CCDC172: variants seen among roughly 807,000 people sequenced by gnomAD.
CCDC172 encodes the protein coiled-coil domain-containing protein 172.
CCDC172 carries 30 observed loss-of-function variants against 38.0 expected under a neutral mutation model. The ratio of observed to expected loss-of-function variants is 0.79; its 90% confidence interval spans 0.59 to 1.07. The LOEUF (loss-of-function observed/expected upper bound fraction) is 1.07. CCDC172 is among the 50% of genes least tolerant of loss of function. The pLI is 0.00. For missense variants in CCDC172, 297 were observed against 290.1 expected, an observed-to-expected ratio of 1.02 and a Z score of -0.17; for synonymous variants, 78 against 88.3, an observed-to-expected ratio of 0.88 and a Z score of 0.66.
intron 3 of CCDC172, among the ~76,000 whole-genome samples, chr10:116,334,648 A>C (rs2134910739): frequency 6.6e-6 from 1 of 152,170 alleles, no homozygotes; most frequent in Non-Finnish European, 1.5e-5. Context: ...TATTGTATTA[A>C]TAAATTACTG....
At chr10:116,326,965 G>A (rs1399026675) in intron 3 of CCDC172, among the ~76,000 whole-genome samples, 1 of 152,172 alleles carries the variant, frequency 6.6e-6, no homozygotes, top group East Asian at 1.9e-4. Context: ...AGAATGTTAT[G>A]ATGCAACTTT....
chr10:116,377,009 C>T (rs1845253656), intron 7 of CCDC172, among the ~76,000 whole-genome samples: 1 of 151,834 alleles, frequency 6.6e-6, no homozygotes, highest in African/African-American at 2.4e-5. Context: ...AAAAGAAAAA[C>T]CGAAAATACA....
intron 5 of CCDC172, among the ~76,000 whole-genome samples, chr10:116,344,465 A>T (rs1276766520): frequency 2.0e-5 from 3 of 152,196 alleles, no homozygotes; most frequent in Admixed American, 2.0e-4. Flanking sequence ...TACAGCAAAA[A>T]TACAGTATAA....
At chr10:116,343,532 TAA>T (rs201160691) in intron 5 of CCDC172, among the ~76,000 whole-genome samples, 12 of 136,598 alleles carry the variant, frequency 8.8e-5, no homozygotes, top group African/African-American at 2.9e-4. Flanking sequence ...TTTTTTTTTT[TAA>T]AAAAATATAT....
intron 7 of CCDC172, among the ~76,000 whole-genome samples, chr10:116,368,467 A>G (rs1845149398): frequency 6.6e-6 from 1 of 151,802 alleles, no homozygotes; most frequent in South Asian, 2.1e-4. Flanking sequence ...CTACGTACTC[A>G]TGCACCTTTT....
At chr10:116,373,949 T>C (rs764742232) in intron 7 of CCDC172, among the ~76,000 whole-genome samples, 84 of 152,306 alleles carry the variant, frequency 5.5e-4, no homozygotes, top group Non-Finnish European at 9.1e-4. Flanking sequence ...GTTACCCACA[T>C]TCACCCATGA....
At chr10:116,372,096 A>T (rs1173474810) in intron 7 of CCDC172, among the ~76,000 whole-genome samples, 1 of 152,020 alleles carries the variant, frequency 6.6e-6, no homozygotes, top group Non-Finnish European at 1.5e-5. Context: ...CTGAAGTTAG[A>T]TGTTTATTTC....
chr10:116,362,769 T>A (rs565617864), intron 7 of CCDC172, among the ~76,000 whole-genome samples: 34 of 152,320 alleles, frequency 2.2e-4, no homozygotes, highest in Middle Eastern at 3.4e-3. Flanking sequence ...AGGACTGTTT[T>A]TTAGCTCTAT....
At chr10:116,358,621 G>T (rs987381952) in intron 7 of CCDC172, among the ~76,000 whole-genome samples, 1 of 152,102 alleles carries the variant, frequency 6.6e-6, no homozygotes, top group African/African-American at 2.4e-5. Flanking sequence ...CACATAAATC[G>T]TATAGGAAAT....
chr10:116,325,301 A>G lies in CCDC172; in HGVS notation c.80-2A>G, dbSNP rs906486451. On this transcript the variant is annotated splice_acceptor_variant, in intron 2 of 8. Coordinates refer to ENST00000333254, the MANE Select transcript of CCDC172 (RefSeq NM_198515.3). LOFTEE classifies it high-confidence loss of function. ...TGTTTAAAGATTTAATTTTTATTAC[A>G]GTAAGGTCGGAAATAACCAGATGTC... is the stretch of plus-strand genomic sequence containing the variant. 2.5e-6 allele frequency: 4 copies of G among 1,611,062 alleles called. No individual in the cohort carries two copies. The highest frequency in any genetic ancestry group is 3.4e-6 in the Non-Finnish European group (4 of 1,178,322).
chr10:116,362,402 T>C (rs916843306), intron 7 of CCDC172, among the ~76,000 whole-genome samples: 1 of 152,252 alleles, frequency 6.6e-6, no homozygotes, highest in African/African-American at 2.4e-5. Context: ...GCCATATTTA[T>C]ATAACCAGTC....
intron 5 of CCDC172, 69 bp from the exon 6 acceptor site, chr10:116,357,311 G>A (rs905109352): frequency 9.6e-6 from 9 of 934,228 alleles, no homozygotes; most frequent in Non-Finnish European, 1.4e-5. Context: ...TAGTGTACAG[G>A]TCTTTTACTT....
At chr10:116,339,259 T>A (rs1844765776) in intron 3 of CCDC172, among the ~76,000 whole-genome samples, 2 of 152,002 alleles carry the variant, frequency 1.3e-5, no homozygotes, top group Admixed American at 6.5e-5. Context: ...AAGACCTGAA[T>A]TTTAGTCCTG....
In CCDC172 at chr10:116,379,189, TTTA is replaced by T. The variant is rs1446970685; in HGVS notation, c.742-131_742-129del. 2.0e-5 allele frequency: 10 copies of T among 501,674 alleles called. 1 individual carries two copies. The highest frequency in any genetic ancestry group is 1.1e-4 in the African/African-American group (5 of 46,348). 31.1% of individuals were successfully genotyped at this position (501,674 alleles called of 1,614,324 possible). On this transcript the variant is annotated intron_variant, in intron 8 of 8. Coordinates refer to ENST00000333254, the MANE Select transcript of CCDC172 (RefSeq NM_198515.3). Reference sequence around the variant, plus strand: ...AATGTTTCAATAAGTTACCTTTGAATTTATTTTTTTTTATAAAAAATATAATTA... The same window carrying T: ...AATGTTTCAATAAGTTACCTTTGAATTTTTTTTTTATAAAAAATATAATTA...
intron 5 of CCDC172, 59 bp from the exon 6 acceptor site, chr10:116,357,321 T>C: frequency 9.0e-7 from 1 of 1,112,362 alleles, no homozygotes; most frequent in South Asian, 1.5e-5. Context: ...GTCTTTTACT[T>C]CCGGGGTTAA....
chr10:116,340,736 T>A lies in CCDC172; in HGVS notation c.168T>A (p.Val56=), dbSNP rs764859297. The A allele has an allele frequency of 6.6e-7, 1 of 1,515,942 alleles. No homozygotes were observed. The highest frequency in any genetic ancestry group is 9.1e-7 in the Non-Finnish European group (1 of 1,099,952). The allele number at this position is 1,515,942 out of a possible 1,614,324, so 93.9% of individuals were successfully genotyped here. A position where few individuals can be genotyped will look rare whatever the true frequency, so the allele number is the denominator to read the frequency against. ...ATTTCTGTTTTTGTACTTTGAAGGT[T>A]CAACAGTTTTTTGAAAAATCCTTCT... ...NEEKIKLESK[V]QQFFEKSFFL... The change falls in exon 4 of 9, where the codon GTT becomes GTA. Residue 56 remains valine (V), a splice_region_variant and synonymous_variant. Coordinates refer to ENST00000333254, the MANE Select transcript of CCDC172 (RefSeq NM_198515.3).
chr10:116,348,578 T>C (rs952281963), intron 5 of CCDC172, among the ~76,000 whole-genome samples: 1 of 152,216 alleles, frequency 6.6e-6, no homozygotes, highest in Non-Finnish European at 1.5e-5. Flanking sequence ...CTATTCTTAC[T>C]CCTTGAGATT....
intron 7 of CCDC172, among the ~76,000 whole-genome samples, chr10:116,371,107 A>T (rs1235286139): frequency 6.6e-6 from 1 of 151,898 alleles, no homozygotes; most frequent in African/African-American, 2.4e-5. Flanking sequence ...GGTAATGGGC[A>T]TCCTTATTCC....
Position 116,350,700 on chromosome 10 carries a change from A to C in CCDC172, c.449-6680A>C, listed in dbSNP as rs528162001. 3.4e-3 allele frequency among the ~76,000 whole-genome samples: 522 copies of C among 152,250 alleles called. 2 individuals carry two copies. Among genetic ancestry groups the C allele is most frequent in the African/African-American group, 0.012 (504 of 41,552 alleles). On this transcript the variant is annotated intron_variant, in intron 5 of 8. Transcript: ENST00000333254. Reference sequence around the variant, plus strand: ...TATATGACACTTTTCTTTGCTTGGCAATATCCTTTAATGATTGGCAATGTA... The same window carrying C: ...TATATGACACTTTTCTTTGCTTGGCCATATCCTTTAATGATTGGCAATGTA...
Sources: gnomAD v4.1 joint callset for allele counts (sites outside exome capture counted in the v4.1 genomes callset) on GRCh38, gnomAD v4.1.1 for gene constraint, MANE v1.5 for transcripts, NCBI Gene and HGNC (gene_info 2026-07-23, HGNC 2026-07-21) for gene names.